MEF2C: variants seen among roughly 807,000 people sequenced by gnomAD.
The protein encoded by MEF2C is myocyte-specific enhancer factor 2C.
In MEF2C, 6 loss-of-function variants were observed where a neutral mutation model predicts 50.5. The observed-to-expected ratio is 0.12, with a 90% CI of 0.07 to 0.23. The LOEUF is 0.23. Ranked by LOEUF, MEF2C falls within the 10% of genes least tolerant of loss-of-function variation. MEF2C has a pLI of 1.00. For missense variants in MEF2C, 276 were observed against 605.0 expected (o/e 0.46, Z 5.70); for synonymous variants, 183 against 228.0 (o/e 0.80, Z 1.78).
At chr5:88,822,795 C>A (rs902791267) in intron 2 of MEF2C, among the ~76,000 whole-genome samples, 2 of 151,850 alleles carry the variant, frequency 1.3e-5, no homozygotes, top group Non-Finnish European at 2.9e-5. Context: ...TCAGTGTAAC[C>A]GAAAAGTAGG....
At chr5:88,780,817 T>C (rs1314687569) in intron 3 of MEF2C, 1 of 985,436 alleles carries the variant, frequency 1.0e-6, no homozygotes. Context: ...TCCATTGTCT[T>C]GAAATCTCAA....
At chr5:88,838,667 C>T (rs774241274) in intron 1 of MEF2C, 8 of 985,212 alleles carry the variant, frequency 8.1e-6, no homozygotes, top group Admixed American at 6.2e-5. Context: ...TTCTAAAACA[C>T]ACCTAACCAG....
rs568776586 is a variant in MEF2C at position 88,874,483 on chromosome 5, T to A, written c.-143+8472A>T. ...ATATATTAGCATTTACAAAACAAAG[T>A]TTAACATCTTTTTCCTCCCTTGCTA... On this transcript the variant is annotated intron_variant, in intron 1 of 10. Transcript: ENST00000504921. Among the ~76,000 whole-genome samples, 32 of 152,050 alleles carry A rather than the reference T, an allele frequency of 2.1e-4. No individual in the cohort carries two copies. In the South Asian group the frequency reaches 4.8e-3, roughly 23 times the overall value.
intron 3 of MEF2C, among the ~76,000 whole-genome samples, chr5:88,784,108 C>T: frequency 6.6e-6 from 1 of 152,188 alleles, no homozygotes; most frequent in South Asian, 2.1e-4. Flanking sequence ...GTATTAATTT[C>T]TTTGCACTTC....
intron 6 of MEF2C, chr5:88,746,441 CTT>C (rs5869439): frequency 3.2e-3 from 2,170 of 676,886 alleles, no homozygotes; most frequent in Middle Eastern, 7.1e-3. Context: ...CTCCCTCTCA[CTT>C]TTTTTTTTTT....
rs779827174 is a variant in MEF2C at position 88,804,584 on chromosome 5, G to A, written c.258+14C>T. The A allele has an allele frequency of 1.7e-5, 27 of 1,612,670 alleles. No homozygotes were observed. Among genetic ancestry groups the A allele is most frequent in the Middle Eastern group, 1.8e-4 (1 of 5,600 alleles). On this transcript the variant is annotated intron_variant, in intron 3 of 10. Transcript: ENST00000504921. ...CTTGCGGAGGCTTGGGGCTCACCACGCATGCTCTCTCACCTCCACGATGTC... is the reference window on the plus strand; with the variant it reads ...CTTGCGGAGGCTTGGGGCTCACCACACATGCTCTCTCACCTCCACGATGTC...
chr5:88,724,636 T>C (rs1260133368), intron 10 of MEF2C, among the ~76,000 whole-genome samples: 2 of 152,172 alleles, frequency 1.3e-5, no homozygotes, highest in Non-Finnish European at 2.9e-5. Flanking sequence ...TATTAATTTA[T>C]AGTCTATCAG....
At chr5:88,743,180 G>C (rs2152433546) in intron 6 of MEF2C, 15 of 938,652 alleles carry the variant, frequency 1.6e-5, no homozygotes, top group Non-Finnish European at 1.9e-5. Context: ...CTAACAATTA[G>C]TTTTCTTATT....
At position 88,720,877 on chromosome 5, in the gene MEF2C, G is replaced by T. The variant is rs1444006392; in HGVS notation, c.*1727C>A. 1 of 152,502 alleles carries T rather than the reference G, an allele frequency of 6.6e-6. No homozygotes were observed. The highest frequency in any genetic ancestry group is 2.4e-5 in the African/African-American group (1 of 41,424). The allele number at this position is 152,502 out of a possible 1,614,324, so 9.4% of individuals were successfully genotyped here. On this transcript the variant is annotated 3_prime_UTR_variant, in exon 11 of 11. Coordinates refer to ENST00000504921, the MANE Select transcript of MEF2C (RefSeq NM_002397.5). ...AAATCTCTTTATTGAAGAAAAAATA[G>T]ATGACATACATGCTTTATGCAGAAG...
chr5:88,726,846 AAT>A (rs1246416525), intron 10 of MEF2C, among the ~76,000 whole-genome samples: 2 of 152,160 alleles, frequency 1.3e-5, no homozygotes, highest in African/African-American at 2.4e-5. Context: ...TATGTAAATA[AAT>A]ATGTGTTTAT....
chr5:88,901,553 C>T (rs1835651265), intron 1 of MEF2C, among the ~76,000 whole-genome samples: 2 of 149,774 alleles, frequency 1.3e-5, no homozygotes, highest in South Asian at 4.3e-4. Context: ...CAATTTTTCT[C>T]CACTGTAAAT....
At chr5:88,875,060 C>G (rs1248008617) in intron 1 of MEF2C, among the ~76,000 whole-genome samples, 1 of 151,878 alleles carries the variant, frequency 6.6e-6, no homozygotes, top group Non-Finnish European at 1.5e-5. Context: ...ACATGGGTAA[C>G]AGTTGAAAAT....
At chr5:88,836,412 GA>G (rs1171353638) in intron 1 of MEF2C, among the ~76,000 whole-genome samples, 1 of 151,900 alleles carries the variant, frequency 6.6e-6, no homozygotes, top group East Asian at 1.9e-4. Context: ...ACCAGACATG[GA>G]AATATGAGTT....
intron 1 of MEF2C, among the ~76,000 whole-genome samples, chr5:88,839,036 C>A (rs1816264551): frequency 6.6e-6 from 1 of 152,058 alleles, no homozygotes. Flanking sequence ...GAAAATACTG[C>A]ACATTTTGGT....
intron 1 of MEF2C, among the ~76,000 whole-genome samples, chr5:88,836,766 G>C (rs1815258061): frequency 6.6e-6 from 1 of 152,092 alleles, no homozygotes; most frequent in South Asian, 2.1e-4. Flanking sequence ...ACACTAAACG[G>C]AAAGTATTAC....
intron 1 of MEF2C, among the ~76,000 whole-genome samples, chr5:88,830,966 T>C (rs1026210781): frequency 6.6e-6 from 1 of 152,092 alleles, no homozygotes; most frequent in Non-Finnish European, 1.5e-5. Context: ...TCAAACAAAA[T>C]AGTCTGTAAA....
At chr5:88,861,578 T>C (rs2153424305) in intron 1 of MEF2C, among the ~76,000 whole-genome samples, 1 of 152,296 alleles carries the variant, frequency 6.6e-6, no homozygotes, top group East Asian at 1.9e-4. Context: ...ACCTGACACT[T>C]AATAGATTTA....
rs1756194038 is a variant in MEF2C, at chr5:88,721,091, T to C, written c.*1513A>G. 6.6e-6 allele frequency: 1 copy of C among 152,658 alleles called. No individual in the cohort carries two copies. The highest frequency in any genetic ancestry group is 1.5e-5 in the Non-Finnish European group (1 of 68,038). The allele number at this position is 152,658 out of a possible 1,614,324, so 9.5% of individuals were successfully genotyped here. ...GGGAATTTATAACTTATTCACCAAG[T>C]AAATTCCATATCACTTGTTTCTAGG... On this transcript the variant is annotated 3_prime_UTR_variant, in exon 11 of 11. Transcript: ENST00000504921.
chr5:88,794,454 T>G (rs973995594), intron 3 of MEF2C, among the ~76,000 whole-genome samples: 5 of 152,164 alleles, frequency 3.3e-5, no homozygotes, highest in African/African-American at 1.2e-4. Flanking sequence ...TTTTGAGAGG[T>G]GTCTGTTCAT....
Sources: allele counts gnomAD v4.1 joint callset (sites outside exome capture counted in the v4.1 genomes callset), GRCh38; gene constraint gnomAD v4.1.1; transcripts MANE v1.5; gene names NCBI Gene and HGNC (gene_info 2026-07-23, HGNC 2026-07-21).